SIL1: variants seen among roughly 807,000 people sequenced by gnomAD.
The protein encoded by SIL1 is SIL1 nucleotide exchange factor, also known as nucleotide exchange factor SIL1.
Under a neutral mutation model 49.1 loss-of-function variants are expected in SIL1, and 40 were observed. The observed-to-expected ratio is 0.81, with a 90% confidence interval of 0.63 to 1.06. SIL1 has a LOEUF of 1.06. Among genes scored for constraint, SIL1 ranks in the 50% least tolerant of loss-of-function variants. The probability of loss-of-function intolerance (pLI) is 0.00; values close to 1 mark genes in which losing one functional copy is unlikely to be tolerated. For missense variants in SIL1, 500 were observed against 572.6 expected (o/e 0.87, Z 1.29); for synonymous variants, 253 against 250.8 (o/e 1.01, Z -0.08).
Position 138,951,206 on chromosome 5 carries a change from C to T in SIL1, c.994G>A (p.Val332Met), listed in dbSNP as rs202053975. 1.6e-5 allele frequency: 25 copies of T among 1,610,378 alleles called. No homozygotes were observed. The highest frequency in any genetic ancestry group is 2.7e-5 in the African/African-American group (2 of 75,008). ...ACCAGGTCGTAGAGCAGTGTGACCACGCGCACGGCGAGCACCTCCGTGCCC... is the reference window on the plus strand; with the variant it reads ...ACCAGGTCGTAGAGCAGTGTGACCATGCGCACGGCGAGCACCTCCGTGCCC... ...EKGTEVLAVR[V>M]VTLLYDLVTE... Residue 332 changes from valine (V) to methionine (M), a missense_variant, in exon 9 of 10, where the codon GTG becomes ATG. Val to Met is a conservative substitution (Grantham distance 21). Coordinates refer to ENST00000394817, the MANE Select transcript of SIL1 (RefSeq NM_022464.5).
At position 139,082,807 on chromosome 5, in the gene SIL1, G is replaced by A. The variant is rs10515506; in HGVS notation, c.245-31761C>T. Among the ~76,000 whole-genome samples the A allele has an allele frequency of 4.8e-3, 727 of 152,296 alleles. 1 individual carries two copies. Among genetic ancestry groups the A allele is most frequent in the Non-Finnish European group, 6.3e-3 (430 of 68,032 alleles). ...GAACACACGTGAAACTTCCAATCAC[G>A]TTCTTATCAATCATAATCAGTGAGA... On this transcript the variant is annotated intron_variant, in intron 3 of 9. Coordinates refer to ENST00000394817, the MANE Select transcript of SIL1 (RefSeq NM_022464.5).
At chr5:139,091,936 A>C (rs1770352068) in intron 3 of SIL1, among the ~76,000 whole-genome samples, 1 of 152,214 alleles carries the variant, frequency 6.6e-6, no homozygotes, top group Admixed American at 6.5e-5. Flanking sequence ...AAGGGTTCAC[A>C]CCAAGGCTGG....
At chr5:139,187,229 A>G (rs1211709874) in intron 1 of SIL1, among the ~76,000 whole-genome samples, 1 of 152,210 alleles carries the variant, frequency 6.6e-6, no homozygotes, top group African/African-American at 2.4e-5. Flanking sequence ...AGCATAAAGT[A>G]GGGAACCGGC....
chr5:138,951,460 G>T, intron 8 of SIL1, 125 bp from the exon 9 acceptor site: 1 of 987,072 alleles, frequency 1.0e-6, no homozygotes, highest in Non-Finnish European at 1.5e-6. Flanking sequence ...CTCAGTTACA[G>T]CTATACCCCA....
At chr5:139,054,751 T>G (rs1045637975) in intron 3 of SIL1, among the ~76,000 whole-genome samples, 2 of 152,162 alleles carry the variant, frequency 1.3e-5, no homozygotes, top group African/African-American at 4.8e-5. Context: ...GTTATTTTGA[T>G]GAAAATTCCA....
intron 3 of SIL1, among the ~76,000 whole-genome samples, chr5:139,099,016 C>T (rs1046548190): frequency 6.6e-6 from 1 of 151,812 alleles, no homozygotes; most frequent in Non-Finnish European, 1.5e-5. Flanking sequence ...GGGGTTTCAC[C>T]ATGTTGGCCA....
At chr5:139,143,304 TATACACACACACAC>T (rs1471578926) in intron 1 of SIL1, among the ~76,000 whole-genome samples, 1 of 73,014 alleles carries the variant, frequency 1.4e-5, no homozygotes, top group Non-Finnish European at 2.7e-5. Context: ...TATATACATA[TATACACACACACAC>T]ACACACACAC....
chr5:139,189,931 T>A (rs1679915773), intron 1 of SIL1, among the ~76,000 whole-genome samples: 1 of 152,248 alleles, frequency 6.6e-6, no homozygotes, highest in African/African-American at 2.4e-5. Flanking sequence ...TCCATGAAAC[T>A]AGTCCCTAGT....
intron 1 of SIL1, among the ~76,000 whole-genome samples, chr5:139,196,181 C>A (rs965178628): frequency 6.6e-6 from 1 of 151,998 alleles, no homozygotes; most frequent in African/African-American, 2.4e-5. Flanking sequence ...CAGTGTGAGA[C>A]CCCATCTGAA....
chr5:139,021,853 C>A lies in SIL1; in HGVS notation c.646-561G>T, dbSNP rs140567699. ...CAGGTTGACTGCATCTGAAGACATT[C>A]ATGATAAAATATGCAAGAAAATCGC... On this transcript the variant is annotated intron_variant, in intron 6 of 9. Coordinates refer to ENST00000394817, the MANE Select transcript of SIL1 (RefSeq NM_022464.5). The A allele has an allele frequency of 7.0e-4, 132 of 188,086 alleles. 1 individual carries two copies. Among genetic ancestry groups the A allele is most frequent in the African/African-American group, 3.0e-3 (126 of 42,162 alleles). 11.7% of individuals were successfully genotyped at this position (188,086 alleles called of 1,614,324 possible).
intron 1 of SIL1, among the ~76,000 whole-genome samples, chr5:139,181,525 G>C (rs1447249099): frequency 6.6e-6 from 1 of 152,210 alleles, no homozygotes; most frequent in Non-Finnish European, 1.5e-5. Context: ...TCCACTGGGA[G>C]TTCTCAAACA....
At chr5:139,174,569 G>C (rs140294118) in intron 1 of SIL1, among the ~76,000 whole-genome samples, 4 of 151,896 alleles carry the variant, frequency 2.6e-5, no homozygotes, top group Non-Finnish European at 5.9e-5. Context: ...GTGGTACCAG[G>C]TACTCAGGAG....
chr5:138,966,148 T>C (rs1253285416), intron 7 of SIL1, among the ~76,000 whole-genome samples: 7 of 152,126 alleles, frequency 4.6e-5, no homozygotes, highest in Non-Finnish European at 7.3e-5. Context: ...AAGTTCAATA[T>C]TGCTAGCATA....
At chr5:139,090,873 C>T (rs997795303) in intron 3 of SIL1, among the ~76,000 whole-genome samples, 3 of 152,044 alleles carry the variant, frequency 2.0e-5, no homozygotes, top group South Asian at 2.1e-4. Context: ...CCCAAAGGGC[C>T]GGGATTGTAA....
At chr5:139,138,641 A>G (rs1217989160) in intron 1 of SIL1, among the ~76,000 whole-genome samples, 3 of 152,226 alleles carry the variant, frequency 2.0e-5, no homozygotes, top group Non-Finnish European at 4.4e-5. Flanking sequence ...CCCTTCATCT[A>G]TAAGAGGACT....
At chr5:139,120,942 A>G in intron 3 of SIL1, 93 bp downstream of exon 3, 1 of 1,507,600 alleles carries the variant, frequency 6.6e-7, no homozygotes, top group Non-Finnish European at 9.1e-7. Flanking sequence ...AGGCCAGAGA[A>G]GAGCAGCCTG....
At chr5:138,968,050 G>A (rs1238906604) in intron 7 of SIL1, among the ~76,000 whole-genome samples, 2 of 152,118 alleles carry the variant, frequency 1.3e-5, no homozygotes, top group African/African-American at 4.8e-5. Flanking sequence ...GAAGGGCCTG[G>A]CCACTGGGCT....
chr5:139,033,280 C>T (rs1202205852), intron 5 of SIL1, among the ~76,000 whole-genome samples: 1 of 152,062 alleles, frequency 6.6e-6, no homozygotes, highest in East Asian at 1.9e-4. Flanking sequence ...TAGGCGTGAG[C>T]CACCGTGCCC....
intron 5 of SIL1, among the ~76,000 whole-genome samples, chr5:139,028,848 G>C (rs1581042221): frequency 6.6e-6 from 1 of 152,276 alleles, no homozygotes; most frequent in Non-Finnish European, 1.5e-5. Context: ...TCATGCTAGA[G>C]AACTGTCCCA....
Sources: allele counts gnomAD v4.1 joint callset (sites outside exome capture counted in the v4.1 genomes callset), GRCh38; gene constraint gnomAD v4.1.1; transcripts MANE v1.5; gene names NCBI Gene and HGNC (gene_info 2026-07-23, HGNC 2026-07-21).